The following ZFYVE9 variants were observed in gnomAD, a reference collection of about 807,000 sequenced individuals.
ZFYVE9 encodes zinc finger FYVE-type containing 9.
Under a neutral mutation model 126.7 loss-of-function variants are expected in ZFYVE9, and 43 were observed. The observed-to-expected ratio is 0.34, with a 90% CI of 0.27 to 0.44. ZFYVE9 has a LOEUF of 0.44. ZFYVE9 is among the 20% of genes least tolerant of loss of function. The probability of loss-of-function intolerance (pLI) is 1.00; values close to 1 mark genes in which losing one functional copy is unlikely to be tolerated. For synonymous variants in ZFYVE9, 521 were observed against 597.4 expected (o/e 0.87, Z 1.87); for missense variants, 1,476 against 1,697.0 (o/e 0.87, Z 2.29).
At chr1:52,340,064 T>G (rs1646420958) in intron 16 of ZFYVE9, 62 bp from the exon 17 acceptor site, 1 of 1,376,932 alleles carries the variant, frequency 7.3e-7, no homozygotes, top group African/African-American at 1.4e-5. Flanking sequence ...CAAAACGTGA[T>G]AGGAAAAATG....
chr1:52,177,089 C>G (rs967270229), intron 1 of ZFYVE9, among the ~76,000 whole-genome samples: 3 of 152,084 alleles, frequency 2.0e-5, no homozygotes, highest in African/African-American at 7.2e-5. Flanking sequence ...CTGCGTCGCT[C>G]ACGCTGGGAG....
At chr1:52,173,725 T>C (rs1378592215) in intron 1 of ZFYVE9, among the ~76,000 whole-genome samples, 1 of 152,154 alleles carries the variant, frequency 6.6e-6, no homozygotes, top group Non-Finnish European at 1.5e-5. Flanking sequence ...CCTGGTTTAG[T>C]CTTGGGAGAG....
rs772190432 is a variant in ZFYVE9 at position 52,255,981 on chromosome 1, T to TTTCCTTCCTTCCTTCC, written c.2179-7776_2179-7761dup. 8.3e-4 allele frequency among the ~76,000 whole-genome samples: 96 copies of TTTCCTTCCTTCCTTCC among 115,656 alleles called. 2 individuals are homozygous for TTTCCTTCCTTCCTTCC. Among genetic ancestry groups the TTTCCTTCCTTCCTTCC allele is most frequent in the African/African-American group, 3.3e-3 (90 of 27,256 alleles). The allele number at this position is 115,656 out of a possible 152,430, so 75.9% of individuals were successfully genotyped here. A position where few individuals can be genotyped will look rare whatever the true frequency, so the allele number is the denominator to read the frequency against. The stretch of plus-strand genomic sequence containing the variant: ...TTCTTTTCTTTTCTTTCTTTCTTTC[T>TTTCCTTCCTTCCTTCC]TTCCTTCCTTCCTTCCTTCCTTCCT... On this transcript the variant is annotated intron_variant, in intron 4 of 18. Transcript: ENST00000287727.
rs1162973754 is a variant in ZFYVE9 at position 52,272,671 on chromosome 1, A to ACCTTTTTTTT, written c.2626-1793_2626-1792insCCTTTTTTTT. Among the ~76,000 whole-genome samples the ACCTTTTTTTT allele has an allele frequency of 1.7e-4, 23 of 134,854 alleles. 2 individuals are homozygous for ACCTTTTTTTT. Among genetic ancestry groups the ACCTTTTTTTT allele is most frequent in the African/African-American group, 3.3e-4 (10 of 30,018 alleles). The allele number at this position is 134,854 out of a possible 152,430, so 88.5% of individuals were successfully genotyped here. A position where few individuals can be genotyped will look rare whatever the true frequency, so the allele number is the denominator to read the frequency against. Reference sequence around the variant, plus strand: ...GAATGAAATGAAGCTGCTAGAAATAATCTTTTTTTTTTTTTTTTTTTTGAG... The same window carrying ACCTTTTTTTT: ...GAATGAAATGAAGCTGCTAGAAATAACCTTTTTTTTTCTTTTTTTTTTTTTTTTTTTTGAG... On this transcript the variant is annotated intron_variant, in intron 7 of 18. Transcript: ENST00000287727.
In ZFYVE9 at chr1:52,268,754, A is replaced by C. The variant is rs1036338049; in HGVS notation, c.2625+122A>C. 6 of 1,166,112 alleles carry C rather than the reference A, an allele frequency of 5.1e-6. No homozygotes were observed. The African/African-American group carries it at 9.3e-5, about 18-fold the overall frequency. 72.2% of individuals were successfully genotyped at this position (1,166,112 alleles called of 1,614,324 possible). ...TGGATACAACTTAGTGTATACGTGCACATATATGGATAAAGTAAATGTGGC... is the reference window on the plus strand; with the variant it reads ...TGGATACAACTTAGTGTATACGTGCCCATATATGGATAAAGTAAATGTGGC... On this transcript the variant is annotated intron_variant, in intron 7 of 18. Transcript: ENST00000287727.
chr1:52,220,827 A>C (rs1042147846), intron 2 of ZFYVE9, among the ~76,000 whole-genome samples: 1 of 152,136 alleles, frequency 6.6e-6, no homozygotes, highest in Non-Finnish European at 1.5e-5. Context: ...AGGGGGAAAC[A>C]AAGGGATAGA....
At chr1:52,187,013 G>C (rs959562429) in intron 1 of ZFYVE9, among the ~76,000 whole-genome samples, 6 of 152,022 alleles carry the variant, frequency 3.9e-5, no homozygotes, top group Non-Finnish European at 2.9e-5. Flanking sequence ...AAAGCCAAGG[G>C]CATCCTCAGG....
intron 4 of ZFYVE9, among the ~76,000 whole-genome samples, chr1:52,250,321 A>G (rs779124186): frequency 1.3e-5 from 2 of 152,146 alleles, no homozygotes; most frequent in Non-Finnish European, 2.9e-5. Context: ...TTCACTGTAC[A>G]GTATTTTACC....
intron 1 of ZFYVE9, among the ~76,000 whole-genome samples, chr1:52,173,593 G>A (rs1213319002): frequency 6.6e-6 from 1 of 152,126 alleles, no homozygotes; most frequent in Non-Finnish European, 1.5e-5. Flanking sequence ...GTTCCTCCTT[G>A]TACCTCTGGT....
intron 12 of ZFYVE9, among the ~76,000 whole-genome samples, chr1:52,301,921 A>G (rs991303626): frequency 6.6e-6 from 1 of 152,182 alleles, no homozygotes; most frequent in Middle Eastern, 3.4e-3. Flanking sequence ...CAATTTCACT[A>G]ATCTTTTATT....
rs1359623265 is a variant in ZFYVE9 at position 52,255,964 on chromosome 1, T to TTTC, written c.2179-7807_2179-7806insCTT. 4.6e-3 allele frequency among the ~76,000 whole-genome samples: 314 copies of TTTC among 68,402 alleles called. 3 individuals carry two copies. The highest frequency in any genetic ancestry group is 0.02 in the African/African-American group (216 of 11,044). The allele number at this position is 68,402 out of a possible 152,430, so 44.9% of individuals were successfully genotyped here. A position where few individuals can be genotyped will look rare whatever the true frequency, so the allele number is the denominator to read the frequency against. On this transcript the variant is annotated intron_variant, in intron 4 of 18. Transcript: ENST00000287727. Reference sequence around the variant, plus strand: ...TTTTCTTTTCTTTTCTTTTCTTTTCTTTTCTTTCTTTCTTTCTTTCCTTCC... The same window carrying TTTC: ...TTTTCTTTTCTTTTCTTTTCTTTTCTTTCTTTCTTTCTTTCTTTCTTTCCTTCC...
In ZFYVE9 at chr1:52,334,159, T is replaced by C. The variant is rs151231275; in HGVS notation, c.3590-529T>C. 2.4e-3 allele frequency among the ~76,000 whole-genome samples: 358 copies of C among 152,284 alleles called. 9 individuals are homozygous for C. The highest frequency in any genetic ancestry group is 8.4e-3 in the African/African-American group (351 of 41,546). On this transcript the variant is annotated intron_variant, in intron 14 of 18. Coordinates refer to ENST00000287727, the MANE Select transcript of ZFYVE9 (RefSeq NM_004799.4). ...CCATATTTCTATCTTCAGAATATAT[T>C]TGATCTAAAAAAATCTGAAAATCAA...
chr1:52,323,345 A>G (rs543694709), intron 13 of ZFYVE9, among the ~76,000 whole-genome samples: 6 of 151,754 alleles, frequency 4.0e-5, no homozygotes, highest in Non-Finnish European at 8.8e-5. Context: ...TCCATGTTTT[A>G]TTTTTCTCTG....
chr1:52,342,469 A>C (rs1569792274), intron 17 of ZFYVE9, among the ~76,000 whole-genome samples: 1 of 147,784 alleles, frequency 6.8e-6, no homozygotes, highest in South Asian at 2.1e-4. Context: ...ATGAGGTTTC[A>C]CCGTGTTAGC....
At chr1:52,293,337 C>T (rs919770306) in intron 10 of ZFYVE9, 116 bp from the exon 11 acceptor site, 1 of 869,018 alleles carries the variant, frequency 1.2e-6, no homozygotes, top group African/African-American at 1.8e-5. Flanking sequence ...CAAGATTGCG[C>T]CACTGCACTC....
chr1:52,304,034 G>T, intron 13 of ZFYVE9, 109 bp downstream of exon 13: 1 of 649,474 alleles, frequency 1.5e-6, no homozygotes, highest in Non-Finnish European at 2.4e-6. Context: ...AATGAAATCA[G>T]TTAATAATAT....
intron 1 of ZFYVE9, among the ~76,000 whole-genome samples, chr1:52,202,616 G>T (rs1272734631): frequency 6.6e-6 from 1 of 151,778 alleles, no homozygotes; most frequent in Non-Finnish European, 1.5e-5. Context: ...GACAGTCTGT[G>T]TCTTTTCATT....
intron 17 of ZFYVE9, among the ~76,000 whole-genome samples, chr1:52,341,831 C>G (rs1185586305): frequency 6.6e-6 from 1 of 152,194 alleles, no homozygotes; most frequent in African/African-American, 2.4e-5. Context: ...CATATGCAGC[C>G]AAGGGATTTT....
Position 52,337,863 on chromosome 1 carries a change from G to A in ZFYVE9, c.3762G>A (p.Lys1254=). 6.2e-7 allele frequency: 1 copy of A among 1,614,258 alleles called. No homozygotes were observed. Among genetic ancestry groups the A allele is most frequent in the Non-Finnish European group, 8.5e-7 (1 of 1,180,038 alleles). The change falls in exon 16 of 19, where the codon AAG becomes AAA. Residue 1254 remains lysine, a synonymous_variant. Coordinates refer to ENST00000287727, the MANE Select transcript of ZFYVE9 (RefSeq NM_004799.4). ...AGGACTTCACCATCACCTGTGGGAA[G>A]GCGGACGCGGAGGAACCCCAGGAGC... ...EMKDFTITCG[K]ADAEEPQEHI... is the part of the protein sequence containing the mutation.
Sources: allele counts gnomAD v4.1 joint callset (sites outside exome capture counted in the v4.1 genomes callset), GRCh38; gene constraint gnomAD v4.1.1; transcripts MANE v1.5; gene names NCBI Gene and HGNC (gene_info 2026-07-23, HGNC 2026-07-21).